Variants in PLS1 observed in about 807,000 individuals in gnomAD.
PLS1 encodes the protein plastin 1, also known as plastin-1.
Under a neutral mutation model 73.7 loss-of-function variants are expected in PLS1, and 32 were observed. That is an observed-to-expected ratio of 0.43 (90% CI 0.33 to 0.58). The LOEUF (loss-of-function observed/expected upper bound fraction) is 0.58. Among genes scored for constraint, PLS1 ranks in the 20% least tolerant of loss-of-function variants. The pLI is 0.04. For missense variants in PLS1, 633 were observed against 740.5 expected (o/e 0.85, Z 1.68); for synonymous variants, 217 against 261.3 (o/e 0.83, Z 1.63).
chr3:142,661,919 A>G (rs955111706), intron 1 of PLS1, among the ~76,000 whole-genome samples: 1 of 152,084 alleles, frequency 6.6e-6, no homozygotes, highest in Non-Finnish European at 1.5e-5. Flanking sequence ...TTCTTAATAA[A>G]CTTGCTTTCA....
chr3:142,689,735 T>A lies in PLS1; in HGVS notation c.1099T>A (p.Phe367Ile). 1 of 1,610,082 alleles carries A rather than the reference T, an allele frequency of 6.2e-7. No homozygotes were observed. Among genetic ancestry groups the A allele is most frequent in the Non-Finnish European group, 8.5e-7 (1 of 1,177,362 alleles). Residue 367 changes from phenylalanine to isoleucine, a missense_variant, in exon 10 of 16, where the codon TTT becomes ATT. By Grantham distance (21) the Phe-to-Ile change is conservative (BLOSUM62 0). Coordinates refer to ENST00000457734, the MANE Select transcript of PLS1 (RefSeq NM_001145319.2). ...VSGNPKLNLA[F>I]VANLFNTYPC... is the part of the protein sequence containing the mutation. Reference sequence around the variant, plus strand: ...AGGCAATCCTAAACTTAATTTAGCTTTTGTAGCTAATTTGTTTAACACATA... The same window carrying A: ...AGGCAATCCTAAACTTAATTTAGCTATTGTAGCTAATTTGTTTAACACATA...
intron 6 of PLS1, among the ~76,000 whole-genome samples, chr3:142,681,417 G>C (rs1430421456): frequency 6.6e-6 from 1 of 152,124 alleles, no homozygotes; most frequent in Non-Finnish European, 1.5e-5. Context: ...TTCAAGAATG[G>C]TAATTTCTAT....
At chr3:142,615,954 G>T (rs572040672) in intron 1 of PLS1, among the ~76,000 whole-genome samples, 1 of 151,574 alleles carries the variant, frequency 6.6e-6, no homozygotes, top group East Asian at 1.9e-4. Context: ...AAAGATTGTG[G>T]AGGATGGACC....
intron 1 of PLS1, among the ~76,000 whole-genome samples, chr3:142,608,160 C>T (rs2036057776): frequency 2.0e-5 from 3 of 152,012 alleles, no homozygotes; most frequent in Non-Finnish European, 4.4e-5. Context: ...CTGGGAAACT[C>T]TTAGGAATTT....
chr3:142,604,226 G>A (rs1026877663), intron 1 of PLS1, among the ~76,000 whole-genome samples: 2 of 152,122 alleles, frequency 1.3e-5, no homozygotes, highest in African/African-American at 4.8e-5. Context: ...TTGGACCAAG[G>A]GCTGCTTGGA....
chr3:142,635,764 A>G (rs1386161421), intron 1 of PLS1, among the ~76,000 whole-genome samples: 3 of 152,326 alleles, frequency 2.0e-5, no homozygotes. Flanking sequence ...TAAAATTCAT[A>G]TGGAAATGTG....
chr3:142,634,044 C>T (rs948745062), intron 1 of PLS1, among the ~76,000 whole-genome samples: 3 of 152,108 alleles, frequency 2.0e-5, no homozygotes, highest in Non-Finnish European at 4.4e-5. Flanking sequence ...GATGAAAATA[C>T]AATGGACAGG....
intron 1 of PLS1, among the ~76,000 whole-genome samples, chr3:142,651,462 CAAAAAA>C (rs57909380): frequency 0.49 from 50,307 of 102,338 alleles, 10,037 homozygotes; most frequent in African/African-American, 0.55. Context: ...AACTCTGTCT[CAAAAAA>C]AAAAAAAAAA....
chr3:142,691,359 GA>G (rs2038083048), intron 10 of PLS1, among the ~76,000 whole-genome samples: 1 of 151,412 alleles, frequency 6.6e-6, no homozygotes, highest in Non-Finnish European at 1.5e-5. Flanking sequence ...ATTAGAACTT[GA>G]AAAAAAATAA....
intron 1 of PLS1, among the ~76,000 whole-genome samples, chr3:142,615,040 C>T (rs2036190407): frequency 1.3e-5 from 2 of 151,962 alleles, no homozygotes; most frequent in Non-Finnish European, 2.9e-5. Context: ...GTGGGCAGAA[C>T]ACGGAACAGA....
intron 10 of PLS1, among the ~76,000 whole-genome samples, chr3:142,691,758 T>A (rs2038090778): frequency 6.6e-6 from 1 of 152,210 alleles, no homozygotes; most frequent in South Asian, 2.1e-4. Context: ...TATATCCTTA[T>A]GAAATTTGAA....
intron 1 of PLS1, among the ~76,000 whole-genome samples, chr3:142,639,973 C>T (rs1383031898): frequency 3.3e-5 from 5 of 152,086 alleles, no homozygotes; most frequent in South Asian, 2.1e-4. Context: ...AAGTGTCTAA[C>T]GAAGCCTCGA....
At chr3:142,649,439 C>T (rs551111417) in intron 1 of PLS1, among the ~76,000 whole-genome samples, 2 of 150,876 alleles carry the variant, frequency 1.3e-5, no homozygotes, top group African/African-American at 4.9e-5. Context: ...AGTTCGAGAC[C>T]AGCCATGACC....
At chr3:142,696,012 G>A (rs1294648690) in intron 11 of PLS1, among the ~76,000 whole-genome samples, 4 of 151,988 alleles carry the variant, frequency 2.6e-5, no homozygotes. Context: ...CAGGCTGGAC[G>A]CGAACTCCTG....
At chr3:142,601,160 C>T (rs1277117898) in intron 1 of PLS1, among the ~76,000 whole-genome samples, 1 of 150,292 alleles carries the variant, frequency 6.7e-6, no homozygotes, top group Non-Finnish European at 1.5e-5. Flanking sequence ...CTCCTGACCT[C>T]GTGATCCGCC....
intron 1 of PLS1, among the ~76,000 whole-genome samples, chr3:142,660,190 T>C (rs1473552981): frequency 6.6e-6 from 1 of 152,160 alleles, no homozygotes; most frequent in Non-Finnish European, 1.5e-5. Context: ...TGAATTGCCA[T>C]GAGACTAACA....
At chr3:142,642,968 T>G (rs1298751509) in intron 1 of PLS1, among the ~76,000 whole-genome samples, 2 of 152,132 alleles carry the variant, frequency 1.3e-5, no homozygotes, top group Non-Finnish European at 2.9e-5. Context: ...CCAGTCCATT[T>G]CCCACCCAGG....
chr3:142,694,874 TTA>T (rs2038161422), intron 11 of PLS1, among the ~76,000 whole-genome samples: 1 of 152,204 alleles, frequency 6.6e-6, no homozygotes, highest in Non-Finnish European at 1.5e-5. Flanking sequence ...AGTATTTTTA[TTA>T]TGTCATTTTT....
At chr3:142,598,983 A>G (rs893684278) in intron 1 of PLS1, among the ~76,000 whole-genome samples, 3 of 151,840 alleles carry the variant, frequency 2.0e-5, no homozygotes, top group African/African-American at 7.3e-5. Context: ...CATGGGCGAC[A>G]GTGCAAGACT....
Sources: gnomAD v4.1 joint callset for allele counts (sites outside exome capture counted in the v4.1 genomes callset) on GRCh38, gnomAD v4.1.1 for gene constraint, MANE v1.5 for transcripts, NCBI Gene and HGNC (gene_info 2026-07-23, HGNC 2026-07-21) for gene names.